Variants in PHKA1 observed in about 807,000 individuals in gnomAD.
PHKA1 encodes phosphorylase kinase regulatory subunit alpha 1.
A neutral mutation model predicts 110.2 loss-of-function variants in PHKA1; 60 were observed. The ratio of observed to expected loss-of-function variants is 0.54; its 90% CI spans 0.44 to 0.68. The LOEUF (loss-of-function observed/expected upper bound fraction) is 0.68, where lower values mean the gene tolerates loss of function less well. Ranked by LOEUF, PHKA1 falls within the 30% of genes least tolerant of loss-of-function variation. The pLI is 0.00. For synonymous variants in PHKA1, 316 were observed against 333.6 expected, an observed-to-expected ratio of 0.95 and a Z score of 0.58; for missense variants, 801 against 942.5, an observed-to-expected ratio of 0.85 and a Z score of 1.97.
intron 3 of PHKA1, 68 bp downstream of exon 3, chrX:72,705,130 T>G (rs2054262492): frequency 2.4e-6 from 2 of 830,149 alleles, no homozygotes; most frequent in Non-Finnish European, 3.6e-6. Flanking sequence ...CTATAAACAT[T>G]CCCTAAAGGG....
At position 72,644,466 on chromosome X, in the gene PHKA1, T is replaced by C. The variant is rs1556296584; in HGVS notation, c.1355A>G (p.Lys452Arg). ...AATTCCCTTGTCCTTCAAAATGGTC[T>C]TGATTTCTTCTGTTTCAGCTAGAAT... Reference protein sequence around the residue: ...VSILAETEEIKTILKDKGIYV... With the variant: ...VSILAETEEIRTILKDKGIYV... Residue 452 changes from lysine (K) to arginine (R), a missense_variant, in exon 14 of 32, where the codon AAG becomes AGG. Coordinates refer to ENST00000373542, the MANE Select transcript of PHKA1 (RefSeq NM_002637.4). 8.3e-7 allele frequency: 1 copy of C among 1,209,632 alleles called. No individual in the cohort carries two copies. The highest frequency in any genetic ancestry group is 1.8e-5 in the South Asian group (1 of 56,637).
chrX:72,713,684 A>ACACC (rs1556335770), intron 1 of PHKA1, 119 bp downstream of exon 1: 5 of 569,596 alleles, frequency 8.8e-6, no homozygotes, highest in Non-Finnish European at 1.5e-5. Context: ...ACACACACAC[A>ACACC]CACACACACA....
intron 28 of PHKA1, among the ~76,000 whole-genome samples, chrX:72,594,796 C>G (rs782662293): frequency 3.6e-4 from 40 of 112,354 alleles, no homozygotes; most frequent in African/African-American, 1.3e-3. Context: ...AACGAACAAA[C>G]AAACAAATAA....
At position 72,585,189 on chromosome X, in the gene PHKA1, T is replaced by G. The variant is rs190495447; in HGVS notation, c.3244-887A>C. 5.6e-4 allele frequency among the ~76,000 whole-genome samples: 62 copies of G among 111,288 alleles called. No homozygotes were observed. In the East Asian group the frequency reaches 0.016, roughly 29 times the overall value. On this transcript the variant is annotated intron_variant, in intron 29 of 31. Coordinates refer to ENST00000373542, the MANE Select transcript of PHKA1 (RefSeq NM_002637.4). Reference sequence around the variant, plus strand: ...TTAGATACTTCATTTTGTGGTGTTCTAAGTACAAATGGTGCACACCTGATT... The same window carrying G: ...TTAGATACTTCATTTTGTGGTGTTCGAAGTACAAATGGTGCACACCTGATT...
intron 28 of PHKA1, among the ~76,000 whole-genome samples, chrX:72,593,885 T>C (rs2052556994): frequency 8.9e-6 from 1 of 112,318 alleles, no homozygotes; most frequent in South Asian, 3.7e-4. Flanking sequence ...CTGTTAAACT[T>C]CTAGCTCGTC....
chrX:72,686,157 C>A (rs1185108538), intron 4 of PHKA1, among the ~76,000 whole-genome samples: 2 of 111,845 alleles, frequency 1.8e-5, no homozygotes, highest in African/African-American at 3.3e-5. Context: ...TCCTGAACAC[C>A]CATTCCAGTT....
intron 6 of PHKA1, among the ~76,000 whole-genome samples, chrX:72,669,931 T>C (rs1458021115): frequency 2.9e-4 from 32 of 110,814 alleles, no homozygotes; most frequent in Non-Finnish European, 4.5e-4. Flanking sequence ...GTATTTCTAG[T>C]TCTAGATCCC....
At chrX:72,652,412 A>G in intron 12 of PHKA1, 132 bp downstream of exon 12, 1 of 517,691 alleles carries the variant, frequency 1.9e-6, no homozygotes, top group Admixed American at 2.7e-5. Context: ...GAAGACCTGG[A>G]GGAAAACTAT....
intron 14 of PHKA1, among the ~76,000 whole-genome samples, chrX:72,641,558 T>TATCTAAAAGAAAGTAACAGACTAGGA: frequency 9.0e-6 from 1 of 111,615 alleles, no homozygotes; most frequent in East Asian, 2.8e-4. Flanking sequence ...GATTTGAACT[T>TATCTAAAAGAAAGTAACAGACTAGGA]AATATTTTAA....
chrX:72,634,454 A>T lies in PHKA1; in HGVS notation c.1714+701T>A, dbSNP rs782220706. On this transcript the variant is annotated intron_variant, in intron 16 of 31. Transcript: ENST00000373542. ...CAAACAGGTCTTTGGAAGCAACAGGAGAAACACAGAAAGGAAGCAGTCGCT... is the reference window on the plus strand; with the variant it reads ...CAAACAGGTCTTTGGAAGCAACAGGTGAAACACAGAAAGGAAGCAGTCGCT... Among the ~76,000 whole-genome samples, 87 of 110,581 alleles carry T rather than the reference A, an allele frequency of 7.9e-4. 5 individuals carry two copies. The highest frequency in any genetic ancestry group is 4.4e-4 in the Non-Finnish European group (23 of 52,828).
intron 5 of PHKA1, 109 bp from the exon 6 acceptor site, chrX:72,676,259 C>T: frequency 2.0e-6 from 1 of 493,163 alleles, no homozygotes. Flanking sequence ...AACTAATTTG[C>T]CATATATATA....
intron 16 of PHKA1, among the ~76,000 whole-genome samples, chrX:72,631,444 C>T (rs781897957): frequency 5.4e-5 from 6 of 110,783 alleles, no homozygotes; most frequent in African/African-American, 1.6e-4. Context: ...GCTGTGCAAG[C>T]GTGGAAGTCT....
chrX:72,585,326 T>C (rs1180714818), intron 29 of PHKA1, among the ~76,000 whole-genome samples: 1 of 111,826 alleles, frequency 8.9e-6, no homozygotes, highest in African/African-American at 3.3e-5. Context: ...TTTCACAAAA[T>C]TCTATAAGAA....
At chrX:72,605,996 C>A (rs2052722613) in intron 23 of PHKA1, among the ~76,000 whole-genome samples, 1 of 112,205 alleles carries the variant, frequency 8.9e-6, no homozygotes. Context: ...TTGTAATACA[C>A]AATGTTTCTA....
intron 2 of PHKA1, among the ~76,000 whole-genome samples, chrX:72,707,543 A>G (rs1451539104): frequency 1.8e-5 from 2 of 110,461 alleles, no homozygotes; most frequent in Non-Finnish European, 3.8e-5. Flanking sequence ...GGTTCAGAAA[A>G]AGACCTTCAA....
At chrX:72,662,640 G>T (rs1177186880) in intron 8 of PHKA1, among the ~76,000 whole-genome samples, 1 of 111,662 alleles carries the variant, frequency 9.0e-6, no homozygotes, top group Non-Finnish European at 1.9e-5. Flanking sequence ...ACCTTGGCTA[G>T]AAAAACAGTC....
intron 4 of PHKA1, chrX:72,689,045 G>A (rs2054001751): frequency 9.0e-6 from 1 of 111,310 alleles, no homozygotes; most frequent in Non-Finnish European, 1.9e-5. Flanking sequence ...TAGACCAAAG[G>A]TGACTATATA....
chrX:72,603,071 C>T (rs1556245642), intron 26 of PHKA1, 48 bp downstream of exon 26: 2 of 834,015 alleles, frequency 2.4e-6, no homozygotes, highest in Admixed American at 4.5e-5. Context: ...ACCAATGAGA[C>T]ACTTAAACCA....
chrX:72,712,808 C>T lies in PHKA1; in HGVS notation c.208G>A (p.Asp70Asn), dbSNP rs1269950885. The T allele has an allele frequency of 2.5e-6, 3 of 1,210,214 alleles. No individual in the cohort carries two copies. Among genetic ancestry groups the T allele is most frequent in the East Asian group, 3.0e-5 (1 of 33,827 alleles). The change falls in exon 2 of 32, where the codon GAT (aspartate) becomes AAT (asparagine). Residue 70 changes from aspartate (D) to asparagine (N), a missense_variant. Transcript: ENST00000373542. ...TCCAATTCATAGGCCTTTGCCTTAT[C>T]CTCATCCCGGTCTGCATTCTTCCGA... ...AYRKNADRDEDKAKAYELEQS... is the reference protein window; with the variant it reads ...AYRKNADRDENKAKAYELEQS...
Sources: gnomAD v4.1 joint callset for allele counts (sites outside exome capture counted in the v4.1 genomes callset) on GRCh38, gnomAD v4.1.1 for gene constraint, MANE v1.5 for transcripts, NCBI Gene and HGNC (gene_info 2026-07-23, HGNC 2026-07-21) for gene names.